Variants in SLC25A21 observed in about 807,000 individuals in gnomAD.
SLC25A21 encodes solute carrier family 25 member 21.
SLC25A21 carries 47 observed loss-of-function variants against 43.8 expected under a neutral mutation model. The ratio of observed to expected loss-of-function variants is 1.07; its 90% CI spans 0.85 to 1.37. SLC25A21 has a LOEUF of 1.37. Among genes scored for constraint, SLC25A21 ranks in the 40% most tolerant of loss-of-function variants. SLC25A21 has a pLI of 0.00. For synonymous variants in SLC25A21, 131 were observed against 121.3 expected (o/e 1.08, Z -0.52); for missense variants, 352 against 350.2 (o/e 1.00, Z -0.04).
intron 2 of SLC25A21, among the ~76,000 whole-genome samples, chr14:36,849,543 G>T (rs1889656636): frequency 1.3e-5 from 2 of 152,162 alleles, no homozygotes; most frequent in Admixed American, 1.3e-4. Context: ...CAAGGGAAAA[G>T]AAAGAACTTA....
At chr14:36,813,817 A>G in intron 3 of SLC25A21, 101 bp downstream of exon 3, 1 of 778,538 alleles carries the variant, frequency 1.3e-6, no homozygotes, top group Non-Finnish European at 2.1e-6. Context: ...TACCCTTTTA[A>G]GTATTTTGCC....
intron 7 of SLC25A21, among the ~76,000 whole-genome samples, chr14:36,706,434 T>C (rs768115926): frequency 6.6e-6 from 1 of 152,212 alleles, no homozygotes; most frequent in African/African-American, 2.4e-5. Flanking sequence ...TCACTTCTCA[T>C]TGAGGTAGAC....
chr14:36,922,651 T>C (rs1282327040), intron 1 of SLC25A21, among the ~76,000 whole-genome samples: 1 of 151,988 alleles, frequency 6.6e-6, no homozygotes, highest in Non-Finnish European at 1.5e-5. Flanking sequence ...GCTCACTCAA[T>C]GCTGGGAGAT....
At chr14:36,921,263 G>A (rs1391021014) in intron 1 of SLC25A21, among the ~76,000 whole-genome samples, 1 of 152,088 alleles carries the variant, frequency 6.6e-6, no homozygotes, top group African/African-American at 2.4e-5. Flanking sequence ...ACTCAAAGGA[G>A]ATAATATTAG....
At chr14:37,140,294 C>T (rs1206591022) in intron 1 of SLC25A21, among the ~76,000 whole-genome samples, 25 of 152,180 alleles carry the variant, frequency 1.6e-4, no homozygotes, top group Admixed American at 1.6e-3. Context: ...GAGTGTAATT[C>T]CTTAAGGGCA....
intron 3 of SLC25A21, among the ~76,000 whole-genome samples, chr14:36,773,459 A>G (rs1202156445): frequency 1.3e-5 from 2 of 152,246 alleles, no homozygotes; most frequent in South Asian, 2.1e-4. Flanking sequence ...CTCAGAGAGA[A>G]TATGTTCAAA....
At position 36,678,577 on chromosome 14, in the gene SLC25A21, C is replaced by CT; in HGVS notation, c.*2080dup. On this transcript the variant is annotated 3_prime_UTR_variant, in exon 10 of 10. Coordinates refer to ENST00000331299, the MANE Select transcript of SLC25A21 (RefSeq NM_030631.4). ...TTTAAAACCATACCATACAGGGACT[C>CT]TCCTGTCATCTGAAAAACTGATGTA... 1 of 1,517,706 alleles carries CT rather than the reference C, an allele frequency of 6.6e-7. No homozygotes were observed. The highest frequency in any genetic ancestry group is 8.8e-7 in the Non-Finnish European group (1 of 1,137,712). 94.0% of individuals were successfully genotyped at this position (1,517,706 alleles called of 1,614,324 possible). A position where few individuals can be genotyped will look rare whatever the true frequency, so the allele number is the denominator to read the frequency against.
intron 1 of SLC25A21, among the ~76,000 whole-genome samples, chr14:37,076,345 G>C (rs1962280706): frequency 6.6e-6 from 1 of 151,466 alleles, no homozygotes; most frequent in Admixed American, 6.6e-5. Context: ...ATTTTTAGTA[G>C]AGATGTAGTA....
At chr14:36,993,893 G>T (rs766507041) in intron 1 of SLC25A21, among the ~76,000 whole-genome samples, 1 of 152,092 alleles carries the variant, frequency 6.6e-6, no homozygotes, top group Non-Finnish European at 1.5e-5. Flanking sequence ...GATGAGAATT[G>T]CAACAACAAC....
intron 3 of SLC25A21, among the ~76,000 whole-genome samples, chr14:36,786,387 G>A (rs1887250946): frequency 6.6e-6 from 1 of 152,192 alleles, no homozygotes; most frequent in Non-Finnish European, 1.5e-5. Context: ...GCAACTCAGA[G>A]GTGACTTTCT....
chr14:37,060,386 T>TAAC (rs1435972591), intron 1 of SLC25A21, among the ~76,000 whole-genome samples: 10 of 122,616 alleles, frequency 8.2e-5, no homozygotes, highest in African/African-American at 1.9e-4. Flanking sequence ...TCTCTAATAA[T>TAAC]AATAATAATA....
At chr14:36,973,348 G>A (rs775352892) in intron 1 of SLC25A21, among the ~76,000 whole-genome samples, 7 of 152,172 alleles carry the variant, frequency 4.6e-5, no homozygotes, top group Non-Finnish European at 5.9e-5. Flanking sequence ...ACATGAACAC[G>A]GAACTGAGCA....
intron 2 of SLC25A21, among the ~76,000 whole-genome samples, chr14:36,819,337 T>C (rs529950951): frequency 1.5e-5 from 2 of 135,936 alleles, no homozygotes; most frequent in African/African-American, 2.7e-5. Context: ...CCCAAACAAA[T>C]GTACAAGCAT....
At position 36,888,867 on chromosome 14, in the gene SLC25A21, CT is replaced by C. The variant is rs1890998624; in HGVS notation, c.71-13864del. 2.0e-5 allele frequency among the ~76,000 whole-genome samples: 3 copies of C among 152,186 alleles called. No individual in the cohort carries two copies. The South Asian group carries it at 6.2e-4, about 31-fold the overall frequency. On this transcript the variant is annotated intron_variant, in intron 1 of 9. Transcript: ENST00000331299. ...ATGAAATTGTAATGCTTTTTCCCCA[CT>C]CTAACTAGCATTACTTCTTGCAATC...
intron 1 of SLC25A21, among the ~76,000 whole-genome samples, chr14:37,169,243 T>C (rs1340272955): frequency 6.6e-6 from 1 of 152,082 alleles, no homozygotes; most frequent in Non-Finnish European, 1.5e-5. Context: ...ACTATCTGAC[T>C]GCATTTGGGC....
At chr14:36,743,067 C>T (rs922757263) in intron 3 of SLC25A21, among the ~76,000 whole-genome samples, 15 of 152,170 alleles carry the variant, frequency 9.9e-5, no homozygotes, top group African/African-American at 2.9e-4. Context: ...GTCCATGGCT[C>T]CATTCCCTGG....
intron 1 of SLC25A21, among the ~76,000 whole-genome samples, chr14:37,102,309 G>A (rs1418183625): frequency 6.6e-6 from 1 of 151,930 alleles, no homozygotes; most frequent in Non-Finnish European, 1.5e-5. Flanking sequence ...CAGATGCGGT[G>A]GCACATGCCT....
At chr14:37,016,733 C>T (rs906936256) in intron 1 of SLC25A21, among the ~76,000 whole-genome samples, 7 of 152,084 alleles carry the variant, frequency 4.6e-5, no homozygotes, top group African/African-American at 9.7e-5. Flanking sequence ...TCATCTACAT[C>T]GAAAATCTAT....
At position 36,680,363 on chromosome 14, in the gene SLC25A21, A is replaced by AAAG; in HGVS notation, c.*292_*294dup. On this transcript the variant is annotated 3_prime_UTR_variant, in exon 10 of 10. Transcript: ENST00000331299. ...AGCATTGAAGAGGAACACAGGAGAC[A>AAAG]AAGTTTCTATTTATTTTATGAAATA... 1.9e-6 allele frequency: 2 copies of AAAG among 1,035,400 alleles called. No individual in the cohort carries two copies. The highest frequency in any genetic ancestry group is 2.3e-6 in the Non-Finnish European group (2 of 861,816). The allele number at this position is 1,035,400 out of a possible 1,614,324, so 64.1% of individuals were successfully genotyped here. A position where few individuals can be genotyped will look rare whatever the true frequency, so the allele number is the denominator to read the frequency against.
Sources: allele counts gnomAD v4.1 joint callset (sites outside exome capture counted in the v4.1 genomes callset), GRCh38; gene constraint gnomAD v4.1.1; transcripts MANE v1.5; gene names NCBI Gene and HGNC (gene_info 2026-07-23, HGNC 2026-07-21).